Variants in SCFD2 observed in about 807,000 individuals in gnomAD.
The protein encoded by SCFD2 is sec1 family domain containing 2.
SCFD2 carries 54 observed loss-of-function variants against 58.9 expected under a neutral mutation model. The ratio of observed to expected loss-of-function variants is 0.92; its 90% CI spans 0.74 to 1.15. SCFD2 has a LOEUF of 1.15. Among genes scored for constraint, SCFD2 ranks in the 50% most tolerant of loss-of-function variants. The pLI is 0.00. For synonymous variants in SCFD2, 321 were observed against 335.9 expected (o/e 0.96, Z 0.49); for missense variants, 805 against 836.6 (o/e 0.96, Z 0.47).
intron 5 of SCFD2, among the ~76,000 whole-genome samples, chr4:52,926,751 G>A (rs930130773): frequency 2.6e-5 from 4 of 152,100 alleles, no homozygotes; most frequent in Non-Finnish European, 4.4e-5. Flanking sequence ...AACGCAGCAG[G>A]GGCCACCTCC....
intron 5 of SCFD2, among the ~76,000 whole-genome samples, chr4:53,135,816 C>T (rs1725921242): frequency 6.6e-6 from 1 of 152,084 alleles, no homozygotes; most frequent in Non-Finnish European, 1.5e-5. Flanking sequence ...GACTATACAT[C>T]CCTGCCATTT....
intron 5 of SCFD2, among the ~76,000 whole-genome samples, chr4:53,089,188 A>T (rs1427576448): frequency 6.6e-6 from 1 of 152,194 alleles, no homozygotes; most frequent in Non-Finnish European, 1.5e-5. Flanking sequence ...GTTCCAACAG[A>T]CTAAGGCAAA....
intron 4 of SCFD2, among the ~76,000 whole-genome samples, chr4:53,155,206 G>A (rs1403957720): frequency 6.6e-6 from 1 of 152,144 alleles, no homozygotes; most frequent in Non-Finnish European, 1.5e-5. Context: ...GGATGCTGTG[G>A]TTTGAATGTT....
chr4:53,215,896 A>C (rs993702980), intron 4 of SCFD2, among the ~76,000 whole-genome samples: 1 of 152,136 alleles, frequency 6.6e-6, no homozygotes, highest in African/African-American at 2.4e-5. Flanking sequence ...GCATCTATTG[A>C]GATAATCATG....
intron 6 of SCFD2, among the ~76,000 whole-genome samples, chr4:52,915,331 T>C (rs1719576040): frequency 6.6e-6 from 1 of 152,152 alleles, no homozygotes; most frequent in Admixed American, 6.5e-5. Flanking sequence ...GATGTCTGCT[T>C]CTCCCTTTTC....
At chr4:52,876,756 G>GAA (rs761229349) in intron 8 of SCFD2, among the ~76,000 whole-genome samples, 53 of 54,346 alleles carry the variant, frequency 9.8e-4, no homozygotes, top group Non-Finnish European at 1.3e-3. Context: ...TCTCTGTCTC[G>GAA]AAAAAAAAAA....
chr4:53,236,832 ATTT>A (rs1560402066), intron 4 of SCFD2, among the ~76,000 whole-genome samples: 18 of 140,174 alleles, frequency 1.3e-4, no homozygotes, highest in African/African-American at 3.8e-4. Context: ...TTATTTATTT[ATTT>A]ATTTATTTAT....
intron 3 of SCFD2, among the ~76,000 whole-genome samples, chr4:53,310,755 T>C (rs1385584428): frequency 6.6e-6 from 1 of 152,230 alleles, no homozygotes; most frequent in African/African-American, 2.4e-5. Flanking sequence ...GATGTTTATT[T>C]CTCTTGGTGC....
intron 4 of SCFD2, among the ~76,000 whole-genome samples, chr4:53,217,064 A>G (rs1728867268): frequency 1.3e-5 from 2 of 152,192 alleles, no homozygotes; most frequent in South Asian, 2.1e-4. Flanking sequence ...CTTTACTTCC[A>G]GCTATGTGGT....
intron 5 of SCFD2, among the ~76,000 whole-genome samples, chr4:53,007,785 A>C (rs965670030): frequency 2.6e-5 from 4 of 152,200 alleles, no homozygotes; most frequent in African/African-American, 7.2e-5. Flanking sequence ...ATATCCATGA[A>C]ACATTATTTA....
chr4:53,044,219 C>T (rs536713600), intron 5 of SCFD2, among the ~76,000 whole-genome samples: 6 of 152,194 alleles, frequency 3.9e-5, no homozygotes, highest in African/African-American at 1.4e-4. Context: ...GGGGTTGGTA[C>T]ACTTGTCAGA....
chr4:53,295,092 T>C (rs944564430), intron 3 of SCFD2, among the ~76,000 whole-genome samples: 5 of 152,204 alleles, frequency 3.3e-5, no homozygotes, highest in Admixed American at 6.5e-5. Flanking sequence ...AGCTTTGTTC[T>C]TTTTGCTTAG....
chr4:53,083,561 G>T (rs1724212283), intron 5 of SCFD2, among the ~76,000 whole-genome samples: 1 of 152,120 alleles, frequency 6.6e-6, no homozygotes, highest in Admixed American at 6.5e-5. Context: ...CAAGATACTA[G>T]CAAACCAAAT....
intron 5 of SCFD2, among the ~76,000 whole-genome samples, chr4:52,954,092 C>A (rs920455452): frequency 6.6e-6 from 1 of 152,188 alleles, no homozygotes; most frequent in Non-Finnish European, 1.5e-5. Flanking sequence ...TCACAGGCAG[C>A]ACAGGGAGCA....
intron 4 of SCFD2, among the ~76,000 whole-genome samples, chr4:53,196,115 T>G (rs1411273529): frequency 1.3e-5 from 2 of 152,178 alleles, no homozygotes; most frequent in African/African-American, 4.8e-5. Flanking sequence ...TAAGACTTCA[T>G]GTAATTACTT....
intron 5 of SCFD2, among the ~76,000 whole-genome samples, chr4:53,139,790 G>A (rs922222169): frequency 1.1e-4 from 16 of 152,270 alleles, no homozygotes; most frequent in Admixed American, 9.8e-4. Flanking sequence ...GGAAAAGAAA[G>A]AGAGATCGGA....
chr4:52,882,800 C>T (rs902501024), intron 8 of SCFD2, among the ~76,000 whole-genome samples: 1 of 152,294 alleles, frequency 6.6e-6, no homozygotes. Flanking sequence ...TTAATAAACT[C>T]CCCTTTATAT....
intron 6 of SCFD2, among the ~76,000 whole-genome samples, chr4:52,913,901 G>C (rs1378054262): frequency 6.6e-6 from 1 of 152,124 alleles, no homozygotes; most frequent in Non-Finnish European, 1.5e-5. Context: ...TTCTACAAAG[G>C]AACCTGGAAA....
At chr4:53,123,782 C>T (rs1374593892) in intron 5 of SCFD2, among the ~76,000 whole-genome samples, 2 of 152,194 alleles carry the variant, frequency 1.3e-5, no homozygotes, top group Non-Finnish European at 2.9e-5. Context: ...AAGGGAGCTC[C>T]AGACAGAACA....
Sources: gnomAD v4.1 joint callset for allele counts (sites outside exome capture counted in the v4.1 genomes callset) on GRCh38, gnomAD v4.1.1 for gene constraint, MANE v1.5 for transcripts, NCBI Gene and HGNC (gene_info 2026-07-23, HGNC 2026-07-21) for gene names.